Variants in MMD observed in about 807,000 individuals in gnomAD.
MMD encodes monocyte to macrophage differentiation associated, also known as monocyte to macrophage differentiation factor.
Under a neutral mutation model 33.6 loss-of-function variants are expected in MMD, and 22 were observed. That is an observed-to-expected ratio of 0.66 (90% CI 0.47 to 0.94). The LOEUF (loss-of-function observed/expected upper bound fraction) is 0.94, where lower values mean the gene tolerates loss of function less well. Ranked by LOEUF, MMD falls within the 40% of genes least tolerant of loss-of-function variation. MMD has a pLI of 0.00. For synonymous variants in MMD, 97 were observed against 103.2 expected (o/e 0.94, Z 0.36); for missense variants, 242 against 309.8 (o/e 0.78, Z 1.64).
Position 55,421,717 on chromosome 17 carries a change from G to C in MMD, c.-22C>G. 3 of 1,585,080 alleles carry C rather than the reference G, an allele frequency of 1.9e-6. No homozygotes were observed. Among genetic ancestry groups the C allele is most frequent in the Non-Finnish European group, 2.6e-6 (3 of 1,166,724 alleles). On this transcript the variant is annotated 5_prime_UTR_variant, in exon 1 of 7. Transcript: ENST00000262065. ...GCATTGATCCTCTGCTCCTCCTCGG[G>C]GGCCAGGAGCTCCGTCTCGTCAGCA...
intron 3 of MMD, 82 bp downstream of exon 3, chr17:55,411,175 T>A (rs902689542): frequency 1.2e-5 from 17 of 1,473,960 alleles, no homozygotes; most frequent in African/African-American, 1.4e-5. Context: ...CCTACTTGAC[T>A]AAAGCATGCC....
intron 5 of MMD, among the ~76,000 whole-genome samples, chr17:55,402,150 G>T (rs1208390992): frequency 6.7e-6 from 1 of 150,128 alleles, no homozygotes; most frequent in South Asian, 2.1e-4. Flanking sequence ...AGTAGTTATC[G>T]TTTAACCCAC....
intron 1 of MMD, among the ~76,000 whole-genome samples, chr17:55,417,575 G>C (rs1402951269): frequency 3.3e-5 from 5 of 152,064 alleles, no homozygotes; most frequent in Admixed American, 2.0e-4. Context: ...GAGGTTGCTT[G>C]AGCCCAAGAG....
intron 4 of MMD, among the ~76,000 whole-genome samples, chr17:55,405,436 A>G (rs1259070035): frequency 2.0e-5 from 3 of 152,112 alleles, no homozygotes; most frequent in Non-Finnish European, 4.4e-5. Flanking sequence ...CTGATTATCT[A>G]TAACTACAAA....
intron 4 of MMD, 74 bp downstream of exon 4, chr17:55,407,672 G>GA (rs1907608479): frequency 1.5e-6 from 2 of 1,376,468 alleles, no homozygotes; most frequent in South Asian, 1.2e-5. Flanking sequence ...GGACAAGAGG[G>GA]AGAAAGGAAA....
Position 55,400,570 on chromosome 17 carries a change from G to T in MMD, c.516+899C>A, listed in dbSNP as rs889742675. Among the ~76,000 whole-genome samples the T allele has an allele frequency of 5.2e-5, 6 of 115,778 alleles. No homozygotes were observed. In the East Asian group the frequency reaches 1.3e-3, roughly 26 times the overall value. 76.0% of individuals were successfully genotyped at this position (115,778 alleles called of 152,430 possible). On this transcript the variant is annotated intron_variant, in intron 6 of 6. Coordinates refer to ENST00000262065, the MANE Select transcript of MMD (RefSeq NM_012329.3). ...CTCAAAAAAAAGAAAAAAAAAAAAA[G>T]GTTCTTACAATGTGCCTATGAGATT... is the stretch of plus-strand genomic sequence containing the variant.
chr17:55,414,555 T>TACACACAC (rs1567851499), intron 1 of MMD, among the ~76,000 whole-genome samples: 35 of 58,542 alleles, frequency 6.0e-4, no homozygotes, highest in African/African-American at 2.6e-3. Flanking sequence ...TCCTCCTCCA[T>TACACACAC]TCACACACAC....
chr17:55,394,103 A>C lies in MMD; in HGVS notation c.*231T>G, dbSNP rs1907013055. 2.9e-6 allele frequency: 1 copy of C among 344,520 alleles called. No individual in the cohort carries two copies. The highest frequency in any genetic ancestry group is 5.2e-6 in the Non-Finnish European group (1 of 192,910). The allele number at this position is 344,520 out of a possible 1,614,324, so 21.3% of individuals were successfully genotyped here. ...ACATCAGTTGGCCAAGTCTATTCAG[A>C]GTCCTTCATGATAGTGGAATGGAAT... On this transcript the variant is annotated 3_prime_UTR_variant, in exon 7 of 7. Transcript: ENST00000262065.
At chr17:55,401,559 T>C in intron 5 of MMD, 21 bp from the exon 6 acceptor site, 1 of 1,571,536 alleles carries the variant, frequency 6.4e-7, no homozygotes, top group Non-Finnish European at 8.7e-7. Context: ...AAAAATGCAG[T>C]TAATTTAACT....
Position 55,393,725 on chromosome 17 carries a change from G to T in MMD, c.*609C>A, listed in dbSNP as rs1398664846. On this transcript the variant is annotated 3_prime_UTR_variant, in exon 7 of 7. Coordinates refer to ENST00000262065, the MANE Select transcript of MMD (RefSeq NM_012329.3). ...TTCTCCATGCTTAATAAAACTATCAGAAGAGGTATAATGTTTGTTCGTTTG... is the reference window on the plus strand; with the variant it reads ...TTCTCCATGCTTAATAAAACTATCATAAGAGGTATAATGTTTGTTCGTTTG... 2 of 152,626 alleles carry T rather than the reference G, an allele frequency of 1.3e-5. No individual in the cohort carries two copies. The highest frequency in any genetic ancestry group is 1.3e-4 in the Admixed American group (2 of 15,268). 9.5% of individuals were successfully genotyped at this position (152,626 alleles called of 1,614,324 possible). A position where few individuals can be genotyped will look rare whatever the true frequency, so the allele number is the denominator to read the frequency against.
intron 6 of MMD, among the ~76,000 whole-genome samples, chr17:55,397,370 A>G (rs564015556): frequency 2.6e-5 from 4 of 152,200 alleles, no homozygotes; most frequent in African/African-American, 9.6e-5. Flanking sequence ...CATGTCGGCT[A>G]GGCTGGTCTC....
In MMD at chr17:55,413,737, AG is replaced by A. The variant is rs1907853325; in HGVS notation, c.108+413del. Among the ~76,000 whole-genome samples the A allele has an allele frequency of 3.3e-5, 5 of 152,264 alleles. No homozygotes were observed. The South Asian group carries it at 1.0e-3, about 32-fold the overall frequency. On this transcript the variant is annotated intron_variant, in intron 2 of 6. Coordinates refer to ENST00000262065, the MANE Select transcript of MMD (RefSeq NM_012329.3). Reference sequence around the variant, plus strand: ...GCTATGGCTCCCCTCCCCATTTCAGAGGATCACTTAATTTTAAAAAGCATCT... The same window carrying A: ...GCTATGGCTCCCCTCCCCATTTCAGAGATCACTTAATTTTAAAAAGCATCT...
In MMD at chr17:55,394,525, C is replaced by T. The variant is rs201100284; in HGVS notation, c.526G>A (p.Asp176Asn). 1.3e-6 allele frequency: 2 copies of T among 1,498,824 alleles called. No individual in the cohort carries two copies. The highest frequency in any genetic ancestry group is 1.8e-6 in the Non-Finnish European group (2 of 1,129,636). 92.8% of individuals were successfully genotyped at this position (1,498,824 alleles called of 1,614,324 possible). The stretch of plus-strand genomic sequence containing the variant: ...CCACAGGCAAGTTCCTGAAGTCCAT[C>T]GGTGTTGTTCTGTCAACAGAGAAAA... ...ALVVTSMNNT[D>N]GLQELACGGL... is the part of the protein sequence containing the mutation. Residue 176 changes from aspartate (D) to asparagine (N), a missense_variant, in exon 7 of 7, where the codon GAT becomes AAT. Coordinates refer to ENST00000262065, the MANE Select transcript of MMD (RefSeq NM_012329.3).
intron 6 of MMD, among the ~76,000 whole-genome samples, chr17:55,399,849 C>T (rs1907257920): frequency 6.6e-6 from 1 of 152,192 alleles, no homozygotes; most frequent in South Asian, 2.1e-4. Flanking sequence ...TATTGTACCA[C>T]TTATGGAAAT....
intron 6 of MMD, among the ~76,000 whole-genome samples, chr17:55,396,857 C>T (rs1567845227): frequency 6.6e-6 from 1 of 151,760 alleles, no homozygotes; most frequent in South Asian, 2.1e-4. Context: ...CCTCGTGATC[C>T]ACCCACCTCG....
chr17:55,397,334 G>A (rs1907139744), intron 6 of MMD, among the ~76,000 whole-genome samples: 1 of 151,696 alleles, frequency 6.6e-6, no homozygotes, highest in Non-Finnish European at 1.5e-5. Flanking sequence ...GCTAATTTTT[G>A]TATTTTTAGT....
At chr17:55,420,471 T>G (rs1353374443) in intron 1 of MMD, 2 of 152,232 alleles carry the variant, frequency 1.3e-5, no homozygotes, top group Non-Finnish European at 2.9e-5. Flanking sequence ...GCTGATCCCC[T>G]TCCTGGTGGC....
intron 4 of MMD, chr17:55,404,400 G>A (rs1907463640): frequency 2.2e-6 from 2 of 897,704 alleles, no homozygotes; most frequent in Non-Finnish European, 2.7e-6. Flanking sequence ...AATAGAACCA[G>A]CTAAAAGCAG....
chr17:55,401,514 G>T lies in MMD; in HGVS notation c.471C>A (p.Phe157Leu). The change falls in exon 6 of 7, where the codon TTC becomes TTA. Residue 157 changes from phenylalanine (F) to leucine (L), a missense_variant. Coordinates refer to ENST00000262065, the MANE Select transcript of MMD (RefSeq NM_012329.3). The part of the protein sequence containing the change: ...HEKYKVVELF[F>L]YLTMGFSPAL... ...CTGGAGAGAATCCCATTGTGAGATA[G>T]AAAAAGAGTTCAACCACCTTATATC... 6.2e-7 allele frequency: 1 copy of T among 1,612,004 alleles called. No homozygotes were observed. Among genetic ancestry groups the T allele is most frequent in the Non-Finnish European group, 8.5e-7 (1 of 1,179,296 alleles).
Sources: allele counts gnomAD v4.1 joint callset (sites outside exome capture counted in the v4.1 genomes callset), GRCh38; gene constraint gnomAD v4.1.1; transcripts MANE v1.5; gene names NCBI Gene and HGNC (gene_info 2026-07-23, HGNC 2026-07-21).